The following FLI1 variants were observed in gnomAD, a reference collection of about 807,000 sequenced individuals.
The protein encoded by FLI1 is Friend leukemia integration 1 transcription factor.
In FLI1, 13 loss-of-function variants were observed where a neutral mutation model predicts 53.1. The ratio of observed to expected loss-of-function variants is 0.24; its 90% confidence interval spans 0.16 to 0.39. The LOEUF (loss-of-function observed/expected upper bound fraction) is 0.39. Among genes scored for constraint, FLI1 ranks in the 10% least tolerant of loss-of-function variants. The probability of loss-of-function intolerance (pLI) is 1.00; values close to 1 mark genes in which losing one functional copy is unlikely to be tolerated. For missense variants in FLI1, 424 were observed against 600.5 expected (o/e 0.71, Z 3.07); for synonymous variants, 244 against 236.7 (o/e 1.03, Z -0.28).
At chr11:128,803,309 C>T (rs928663794) in intron 5 of FLI1, among the ~76,000 whole-genome samples, 2 of 152,208 alleles carry the variant, frequency 1.3e-5, no homozygotes, top group African/African-American at 2.4e-5. Context: ...TTAGTTCCCA[C>T]CTGCAACGCC....
intron 1 of FLI1, among the ~76,000 whole-genome samples, chr11:128,742,650 T>G (rs534080970): frequency 6.6e-6 from 1 of 152,364 alleles, no homozygotes; most frequent in South Asian, 2.1e-4. Context: ...GGCGAGTTGC[T>G]TCTGCATTGC....
At position 128,810,921 on chromosome 11, in the gene FLI1, A is replaced by G. The variant is rs764473254; in HGVS notation, c.1292A>G (p.Tyr431Cys). Reference sequence around the variant, plus strand: ...TGGACCTCCCCCACGGGGGGAATCTACCCCAACCCCAACGTCCCCCGCCAT... The same window carrying G: ...TGGACCTCCCCCACGGGGGGAATCTGCCCCAACCCCAACGTCCCCCGCCAT... ...QYWTSPTGGIYPNPNVPRHPN... is the reference protein window; with the variant it reads ...QYWTSPTGGICPNPNVPRHPN... The change falls in exon 9 of 9, where the codon TAC (tyrosine) becomes TGC (cysteine). Residue 431 changes from tyrosine to cysteine, a missense_variant. Tyr to Cys is a radical substitution (Grantham distance 194). This residue lies in a region of FLI1 where 87 missense variants were observed against 100.0 expected (regional missense o/e 0.87). Coordinates refer to ENST00000527786, the MANE Select transcript of FLI1 (RefSeq NM_002017.5). The surrounding 1 kb of genome is among the most constrained non-coding windows in gnomAD (Gnocchi z 6.6). The G allele has an allele frequency of 6.2e-7, 1 of 1,613,786 alleles. No homozygotes were observed. Among genetic ancestry groups the G allele is most frequent in the South Asian group, 1.1e-5 (1 of 91,068 alleles).
At chr11:128,778,753 C>T (rs1293803649) in intron 4 of FLI1, among the ~76,000 whole-genome samples, 3 of 152,186 alleles carry the variant, frequency 2.0e-5, no homozygotes, top group Non-Finnish European at 2.9e-5. Context: ...GGTGGGGGAG[C>T]TCAGCAGCAC....
rs2135811410 is a variant in FLI1 at position 128,758,708 on chromosome 11, C to T, written c.230+382C>T. Among the ~76,000 whole-genome samples the T allele has an allele frequency of 1.3e-5, 2 of 152,336 alleles. 1 individual carries two copies. Among genetic ancestry groups the T allele is most frequent in the South Asian group, 4.1e-4 (2 of 4,830 alleles). On this transcript the variant is annotated intron_variant, in intron 2 of 8. Coordinates refer to ENST00000527786, the MANE Select transcript of FLI1 (RefSeq NM_002017.5). ...GTTGAAGATACTTAACCCCTCTGGGCAGGTCTCAGCAGAGCAAAGGTGACC... is the reference window on the plus strand; with the variant it reads ...GTTGAAGATACTTAACCCCTCTGGGTAGGTCTCAGCAGAGCAAAGGTGACC...
chr11:128,797,872 G>A (rs1047373399), intron 5 of FLI1, among the ~76,000 whole-genome samples: 2 of 152,128 alleles, frequency 1.3e-5, no homozygotes, highest in Admixed American at 1.3e-4. Context: ...TACACTCAAA[G>A]GCTAAGCAGG....
At chr11:128,774,618 C>T (rs1370286272) in intron 4 of FLI1, among the ~76,000 whole-genome samples, 1 of 152,050 alleles carries the variant, frequency 6.6e-6, no homozygotes, top group Admixed American at 6.6e-5. Context: ...CTTCATTTGC[C>T]AGGAGTAGAG....
chr11:128,698,742 G>A (rs933315893), intron 1 of FLI1, among the ~76,000 whole-genome samples: 1 of 151,930 alleles, frequency 6.6e-6, no homozygotes, highest in East Asian at 1.9e-4. Flanking sequence ...GTGAGAGAGA[G>A]AGAGAGAGAG....
chr11:128,794,380 T>C (rs565599350), intron 5 of FLI1, among the ~76,000 whole-genome samples: 1 of 152,328 alleles, frequency 6.6e-6, no homozygotes, highest in South Asian at 2.1e-4. Context: ...TGGAGGTTAT[T>C]TGAGGCGATT....
chr11:128,713,046 T>C (rs1938854766), intron 1 of FLI1, among the ~76,000 whole-genome samples: 1 of 152,174 alleles, frequency 6.6e-6, no homozygotes, highest in South Asian at 2.1e-4. Flanking sequence ...GTACACATCA[T>C]TGCGAAGGTC....
chr11:128,770,601 G>A (rs998269025), intron 3 of FLI1, among the ~76,000 whole-genome samples: 2 of 152,196 alleles, frequency 1.3e-5, no homozygotes, highest in African/African-American at 4.8e-5. Context: ...TTGTGCTGTA[G>A]AGGGAGAGTA....
At chr11:128,724,405 C>G (rs779849317) in intron 1 of FLI1, among the ~76,000 whole-genome samples, 21 of 152,060 alleles carry the variant, frequency 1.4e-4, no homozygotes, top group Non-Finnish European at 2.6e-4. Context: ...GAGGCCTGAC[C>G]CCAGAAAGCC....
chr11:128,692,475 T>C (rs762162829), upstream of FLI1, among the ~76,000 whole-genome samples: 17 of 104,804 alleles, frequency 1.6e-4, no homozygotes, highest in Non-Finnish European at 2.6e-4. Flanking sequence ...CAAGTCTCAA[T>C]TGCTGGCAGG....
chr11:128,750,346 T>A (rs11221458), intron 1 of FLI1, among the ~76,000 whole-genome samples: 1 of 152,180 alleles, frequency 6.6e-6, no homozygotes, highest in Non-Finnish European at 1.5e-5. Flanking sequence ...CAATGGGACA[T>A]TGGTGCTTCT....
At chr11:128,719,758 G>A (rs543051627) in intron 1 of FLI1, among the ~76,000 whole-genome samples, 146 of 152,230 alleles carry the variant, frequency 9.6e-4, no homozygotes, top group Middle Eastern at 6.8e-3. Context: ...TGGAGTCACC[G>A]GCTGAAATGG....
chr11:128,776,761 G>A (rs780057385), intron 4 of FLI1, among the ~76,000 whole-genome samples: 3 of 152,164 alleles, frequency 2.0e-5, no homozygotes, highest in African/African-American at 4.8e-5. Context: ...GCATCCAGCC[G>A]ATTGAGAGCA....
chr11:128,687,571 C>T (rs1937602320), intron 1 of FLI1, among the ~76,000 whole-genome samples: 2 of 152,186 alleles, frequency 1.3e-5, no homozygotes. Flanking sequence ...CCCCGCCCTC[C>T]CCATCCTGAA....
At chr11:128,808,513 T>TTGTG (rs1942849884) in intron 7 of FLI1, among the ~76,000 whole-genome samples, 1 of 152,222 alleles carries the variant, frequency 6.6e-6, no homozygotes, top group East Asian at 1.9e-4. Context: ...AAATGTACAC[T>TTGTG]CTGGTTTGTG....
rs910208613 is a variant in FLI1, at chr11:128,750,138, A to T, written c.19-7977A>T. The stretch of plus-strand genomic sequence containing the variant: ...TCCCTGTGGTGACCCTGGGTAATGG[A>T]TATGCCAGAGATTAGCCTTCCAGAG... On this transcript the variant is annotated intron_variant, in intron 1 of 8. Coordinates refer to ENST00000527786, the MANE Select transcript of FLI1 (RefSeq NM_002017.5). Among the ~76,000 whole-genome samples the T allele has an allele frequency of 2.6e-5, 4 of 152,238 alleles. No individual in the cohort carries two copies. The East Asian group carries it at 7.7e-4, about 29-fold the overall frequency.
intron 4 of FLI1, among the ~76,000 whole-genome samples, chr11:128,778,866 G>A (rs1157416029): frequency 6.6e-6 from 1 of 152,198 alleles, no homozygotes; most frequent in East Asian, 1.9e-4. Context: ...GCCTGCATCA[G>A]AACAAGTTCC....
Sources: allele counts gnomAD v4.1 joint callset (sites outside exome capture counted in the v4.1 genomes callset), GRCh38; gene constraint gnomAD v4.1.1; regional missense constraint gnomAD v4.1.1; non-coding constraint Gnocchi (gnomAD v3.1); transcripts MANE v1.5; gene names NCBI Gene and HGNC (gene_info 2026-07-23, HGNC 2026-07-21).